The following MAGI1 variants were observed in gnomAD, a reference collection of about 807,000 sequenced individuals.
MAGI1 encodes the protein membrane-associated guanylate kinase, WW and PDZ domain-containing protein 1.
MAGI1 carries 58 observed loss-of-function variants against 139.9 expected under a neutral mutation model. That is an observed-to-expected ratio of 0.41 (90% CI 0.34 to 0.52). The LOEUF (loss-of-function observed/expected upper bound fraction) is 0.52, where lower values mean the gene tolerates loss of function less well. Ranked by LOEUF, MAGI1 falls within the 20% of genes least tolerant of loss-of-function variation. MAGI1 has a pLI of 0.12. For synonymous variants in MAGI1, 812 were observed against 737.9 expected, an observed-to-expected ratio of 1.10 and a Z score of -1.63; for missense variants, 1,874 against 1,901.6, an observed-to-expected ratio of 0.99 and a Z score of 0.27.
intron 1 of MAGI1, chr3:65,688,214 A>G: frequency 1.3e-6 from 1 of 795,060 alleles, no homozygotes; most frequent in Non-Finnish European, 2.2e-6. Flanking sequence ...TGACCCTAGA[A>G]CAGCAGGACA....
intron 1 of MAGI1, among the ~76,000 whole-genome samples, chr3:65,964,505 T>G (rs1336373173): frequency 1.3e-5 from 2 of 151,988 alleles, no homozygotes; most frequent in Non-Finnish European, 2.9e-5. Context: ...AGGTATATCC[T>G]TTTATACATC....
intron 2 of MAGI1, among the ~76,000 whole-genome samples, chr3:65,576,362 A>C (rs2081177066): frequency 6.6e-6 from 1 of 152,188 alleles, no homozygotes; most frequent in South Asian, 2.1e-4. Flanking sequence ...TTAGCATGAA[A>C]TTAGTGGTGA....
rs1186656021 is a variant in MAGI1 at position 65,859,518 on chromosome 3, C to T, written c.313+178478G>A. On this transcript the variant is annotated intron_variant, in intron 1 of 22. Coordinates refer to ENST00000402939, the MANE Select transcript of MAGI1 (RefSeq NM_001033057.2). Reference sequence around the variant, plus strand: ...CTGAGGTGGGTGGATCACCTGAGGCCAGGAGTTTGAGACCAGCCTGGCCAA... The same window carrying T: ...CTGAGGTGGGTGGATCACCTGAGGCTAGGAGTTTGAGACCAGCCTGGCCAA... 2.0e-5 allele frequency among the ~76,000 whole-genome samples: 3 copies of T among 151,956 alleles called. No individual in the cohort carries two copies. The East Asian group carries it at 5.8e-4, about 30-fold the overall frequency.
intron 2 of MAGI1, among the ~76,000 whole-genome samples, chr3:65,596,930 C>T (rs2082233772): frequency 6.6e-6 from 1 of 152,204 alleles, no homozygotes; most frequent in Non-Finnish European, 1.5e-5. Context: ...TCCGCATGTA[C>T]ATTCTTCCTT....
intron 1 of MAGI1, among the ~76,000 whole-genome samples, chr3:65,811,015 T>C (rs1277763745): frequency 6.6e-6 from 1 of 152,204 alleles, no homozygotes; most frequent in Admixed American, 6.5e-5. Flanking sequence ...AACAATTGAA[T>C]GAATGGTCAC....
chr3:65,804,774 AT>A (rs2108154170), intron 1 of MAGI1, among the ~76,000 whole-genome samples: 1 of 152,322 alleles, frequency 6.6e-6, no homozygotes, highest in African/African-American at 2.4e-5. Context: ...GATCTCAGAA[AT>A]AAGGCCACAC....
At position 65,391,236 on chromosome 3, in the gene MAGI1, C is replaced by G. The variant is rs1257455862; in HGVS notation, c.2322G>C (p.Glu774Asp). 1 of 1,614,012 alleles carries G rather than the reference C, an allele frequency of 6.2e-7. No homozygotes were observed. The highest frequency in any genetic ancestry group is 2.2e-5 in the East Asian group (1 of 44,880). Reference protein sequence around the residue: ...TQVLPEFPPAEAQAPDQTDSS... With the variant: ...TQVLPEFPPADAQAPDQTDSS... ...TGTCAGTTTGATCTGGAGCTTGGGCCTCTGCAGGTGGGAACTCGGGGAGCA... is the reference window on the plus strand; with the variant it reads ...TGTCAGTTTGATCTGGAGCTTGGGCGTCTGCAGGTGGGAACTCGGGGAGCA... Residue 774 changes from glutamate to aspartate, a missense_variant, in exon 14 of 23, where the codon GAG becomes GAC. Physicochemically the swap from Glu to Asp is conservative, Grantham distance 45. This residue lies in a region of MAGI1 where 482 missense variants were observed against 509.6 expected (regional missense o/e 0.95). Transcript: ENST00000402939.
intron 1 of MAGI1, among the ~76,000 whole-genome samples, chr3:65,734,269 G>C (rs1044208455): frequency 6.6e-6 from 1 of 152,072 alleles, no homozygotes; most frequent in Non-Finnish European, 1.5e-5. Context: ...CGAGCACCCT[G>C]AGCAACACAG....
intron 2 of MAGI1, among the ~76,000 whole-genome samples, chr3:65,618,539 C>A (rs1576497153): frequency 6.6e-6 from 1 of 152,052 alleles, no homozygotes; most frequent in African/African-American, 2.4e-5. Context: ...TTTTAAGCAA[C>A]TAGAGCTCTA....
At chr3:65,755,432 T>C (rs1299297572) in intron 1 of MAGI1, among the ~76,000 whole-genome samples, 3 of 152,142 alleles carry the variant, frequency 2.0e-5, no homozygotes, top group Non-Finnish European at 4.4e-5. Context: ...ATCAGAATAT[T>C]CACTCAAGCA....
At chr3:65,662,947 G>C (rs10222657) in intron 1 of MAGI1, among the ~76,000 whole-genome samples, 89,018 of 151,930 alleles carry the variant, frequency 0.59, 26,371 homozygotes, top group Non-Finnish European at 0.62. Flanking sequence ...ACTTCCTGAA[G>C]TTCCACCTTC....
chr3:65,713,794 G>T (rs552967260), intron 1 of MAGI1, among the ~76,000 whole-genome samples: 2 of 152,260 alleles, frequency 1.3e-5, no homozygotes, highest in South Asian at 4.2e-4. Context: ...AAACAGACAT[G>T]GTTCCTAAAC....
chr3:65,620,788 A>C (rs2107049104), intron 2 of MAGI1, among the ~76,000 whole-genome samples: 1 of 152,306 alleles, frequency 6.6e-6, no homozygotes, highest in East Asian at 1.9e-4. Context: ...GTCCCAAGTT[A>C]CTTGCAGCAA....
chr3:65,947,719 C>T (rs552901054), intron 1 of MAGI1, among the ~76,000 whole-genome samples: 4 of 152,102 alleles, frequency 2.6e-5, no homozygotes, highest in Admixed American at 6.6e-5. Flanking sequence ...TAGGCTCAAG[C>T]GAGCCTCCCA....
intron 1 of MAGI1, among the ~76,000 whole-genome samples, chr3:65,808,048 T>TG (rs2040984373): frequency 6.7e-6 from 1 of 150,012 alleles, no homozygotes; most frequent in African/African-American, 2.5e-5. Flanking sequence ...CAGGCTGGAG[T>TG]GATCTTGGCT....
intron 14 of MAGI1, among the ~76,000 whole-genome samples, chr3:65,388,258 G>T (rs1015068637): frequency 6.6e-6 from 1 of 152,134 alleles, no homozygotes; most frequent in African/African-American, 2.4e-5. Context: ...CCATGTGAAG[G>T]AATGCGTTCA....
At chr3:66,001,661 T>C (rs1201791410) in intron 1 of MAGI1, among the ~76,000 whole-genome samples, 3 of 152,154 alleles carry the variant, frequency 2.0e-5, no homozygotes, top group Admixed American at 6.6e-5. Flanking sequence ...CCCTATATAA[T>C]GCAGAAACTT....
At chr3:65,550,621 G>GTTT (rs1428431602) in intron 2 of MAGI1, among the ~76,000 whole-genome samples, 4 of 152,064 alleles carry the variant, frequency 2.6e-5, no homozygotes, top group Non-Finnish European at 5.9e-5. Flanking sequence ...GACTAAACTG[G>GTTT]GATTGGCCCC....
At chr3:65,835,140 TTC>T (rs1183408195) in intron 1 of MAGI1, among the ~76,000 whole-genome samples, 1 of 152,210 alleles carries the variant, frequency 6.6e-6, no homozygotes, top group Middle Eastern at 3.2e-3. Context: ...TTTCTGTTTC[TTC>T]TCTGTTTCTC....
Sources: allele counts gnomAD v4.1 joint callset (sites outside exome capture counted in the v4.1 genomes callset), GRCh38; gene constraint gnomAD v4.1.1; regional missense constraint gnomAD v4.1.1; transcripts MANE v1.5; gene names NCBI Gene and HGNC (gene_info 2026-07-23, HGNC 2026-07-21).